ADCY2: variants seen among roughly 807,000 people sequenced by gnomAD.
ADCY2 encodes the protein adenylate cyclase type 2.
Under a neutral mutation model 125.2 loss-of-function variants are expected in ADCY2, and 31 were observed. That is an observed-to-expected ratio of 0.25 (90% CI 0.19 to 0.33). ADCY2 has a LOEUF of 0.33. Among genes scored for constraint, ADCY2 ranks in the 10% least tolerant of loss-of-function variants. The probability of loss-of-function intolerance (pLI) is 1.00; values close to 1 mark genes in which losing one functional copy is unlikely to be tolerated. For missense variants in ADCY2, 904 were observed against 1,418.2 expected (o/e 0.64, Z 5.82); for synonymous variants, 512 against 548.4 (o/e 0.93, Z 0.93).
At position 7,400,473 on chromosome 5, in the gene ADCY2, A is replaced by G. The variant is rs535034652; in HGVS notation, c.210+3967A>G. On this transcript the variant is annotated intron_variant, in intron 1 of 24. Transcript: ENST00000338316. ...TTCTTTTGTGTGTACATAGAGAAAG[A>G]ATCTTATTCTTCCAAAACAAATTAA... Among the ~76,000 whole-genome samples, 7 of 152,328 alleles carry G rather than the reference A, an allele frequency of 4.6e-5. No homozygotes were observed. The East Asian group carries it at 1.4e-3, about 29-fold the overall frequency.
At chr5:7,534,446 TTTA>T (rs1450367824) in intron 3 of ADCY2, among the ~76,000 whole-genome samples, 1 of 152,246 alleles carries the variant, frequency 6.6e-6, no homozygotes, top group East Asian at 1.9e-4. Context: ...AAATTTATTT[TTTA>T]TGCCATGTCT....
At chr5:7,822,046 T>C (rs560128002) in intron 24 of ADCY2, among the ~76,000 whole-genome samples, 22 of 152,030 alleles carry the variant, frequency 1.4e-4, no homozygotes, top group African/African-American at 5.3e-4. Flanking sequence ...GGTGCAAGAG[T>C]GGAAACAGGA....
intron 4 of ADCY2, among the ~76,000 whole-genome samples, chr5:7,688,293 A>T (rs1740592527): frequency 6.7e-6 from 1 of 150,294 alleles, no homozygotes. Context: ...TTTGAGACAG[A>T]GTCTCACTCT....
chr5:7,790,129 C>T (rs1744208063), intron 20 of ADCY2, among the ~76,000 whole-genome samples: 1 of 152,160 alleles, frequency 6.6e-6, no homozygotes, highest in Non-Finnish European at 1.5e-5. Flanking sequence ...AAAGAAGCCA[C>T]TGCTCTCTCC....
intron 3 of ADCY2, among the ~76,000 whole-genome samples, chr5:7,561,982 A>G (rs1267809275): frequency 6.6e-6 from 1 of 152,182 alleles, no homozygotes; most frequent in Non-Finnish European, 1.5e-5. Context: ...TGTTTTCTGT[A>G]TACATCCATA....
At chr5:7,734,000 T>A (rs1401794632) in intron 14 of ADCY2, among the ~76,000 whole-genome samples, 2 of 152,350 alleles carry the variant, frequency 1.3e-5, no homozygotes, top group African/African-American at 2.4e-5. Flanking sequence ...TTTCTTCTTT[T>A]CTTTTTCACT....
intron 3 of ADCY2, among the ~76,000 whole-genome samples, chr5:7,557,291 G>A (rs768912071): frequency 4.8e-5 from 7 of 146,948 alleles, no homozygotes; most frequent in South Asian, 4.3e-4. Flanking sequence ...TGAATAACGA[G>A]GAGGTATAAT....
chr5:7,481,810 A>G (rs902873291), intron 2 of ADCY2, among the ~76,000 whole-genome samples: 4 of 151,350 alleles, frequency 2.6e-5, no homozygotes, highest in Non-Finnish European at 4.4e-5. Context: ...AAGCTTTTTA[A>G]CTTGATGTAA....
chr5:7,702,398 GCC>G (rs1374700428), intron 7 of ADCY2, among the ~76,000 whole-genome samples: 1 of 151,610 alleles, frequency 6.6e-6, no homozygotes, highest in Non-Finnish European at 1.5e-5. Flanking sequence ...CCCACGACAG[GCC>G]CCGGTATGTG....
chr5:7,766,465 C>A (rs148436433), intron 16 of ADCY2, among the ~76,000 whole-genome samples: 1 of 152,250 alleles, frequency 6.6e-6, no homozygotes, highest in African/African-American at 2.4e-5. Flanking sequence ...TTGATAAAGG[C>A]GCCTCCAATT....
At chr5:7,739,409 T>G (rs996953586) in intron 14 of ADCY2, among the ~76,000 whole-genome samples, 1 of 151,902 alleles carries the variant, frequency 6.6e-6, no homozygotes, top group Non-Finnish European at 1.5e-5. Context: ...GGATTGCAAT[T>G]AAAGCAGCAA....
intron 3 of ADCY2, among the ~76,000 whole-genome samples, chr5:7,599,433 G>C (rs1187807974): frequency 6.6e-6 from 1 of 152,208 alleles, no homozygotes; most frequent in Non-Finnish European, 1.5e-5. Context: ...TGATTGGGTA[G>C]TGGGAGGAGA....
chr5:7,589,520 GAA>G lies in ADCY2; in HGVS notation c.571-36645_571-36644del, dbSNP rs781438703. Among the ~76,000 whole-genome samples the G allele has an allele frequency of 1.9e-3, 190 of 101,248 alleles. 2 individuals carry two copies. Among genetic ancestry groups the G allele is most frequent in the Admixed American group, 3.0e-3 (32 of 10,578 alleles). The allele number at this position is 101,248 out of a possible 152,430, so 66.4% of individuals were successfully genotyped here. A position where few individuals can be genotyped will look rare whatever the true frequency, so the allele number is the denominator to read the frequency against. Reference sequence around the variant, plus strand: ...AAAGAAAGAAAGAAAGAAAAGAAAAGAAAGAGAAAGAAAGAAAGGAGGGAGGG... The same window carrying G: ...AAAGAAAGAAAGAAAGAAAAGAAAAGAGAGAAAGAAAGAAAGGAGGGAGGG... On this transcript the variant is annotated intron_variant, in intron 3 of 24. Coordinates refer to ENST00000338316, the MANE Select transcript of ADCY2 (RefSeq NM_020546.3).
intron 22 of ADCY2, among the ~76,000 whole-genome samples, chr5:7,815,806 T>G (rs983259065): frequency 6.6e-6 from 1 of 152,278 alleles, no homozygotes; most frequent in Non-Finnish European, 1.5e-5. Context: ...ATTGTTACCC[T>G]CCATATTAGT....
At chr5:7,533,987 T>A (rs1734737321) in intron 3 of ADCY2, among the ~76,000 whole-genome samples, 1 of 152,192 alleles carries the variant, frequency 6.6e-6, no homozygotes, top group Non-Finnish European at 1.5e-5. Context: ...ATCTTCATGC[T>A]GCTGAGATAG....
chr5:7,537,437 A>G (rs1447954062), intron 3 of ADCY2, among the ~76,000 whole-genome samples: 2 of 152,106 alleles, frequency 1.3e-5, no homozygotes, highest in East Asian at 1.9e-4. Context: ...TGGCACCACC[A>G]TCCTCTGTAC....
At chr5:7,609,189 G>A (rs1038834254) in intron 3 of ADCY2, among the ~76,000 whole-genome samples, 15 of 152,178 alleles carry the variant, frequency 9.9e-5, no homozygotes, top group African/African-American at 3.1e-4. Context: ...TGGATTTACT[G>A]AAGGGATGGC....
intron 4 of ADCY2, among the ~76,000 whole-genome samples, chr5:7,666,839 T>TTGG (rs2126699866): frequency 6.6e-6 from 1 of 152,272 alleles, no homozygotes; most frequent in South Asian, 2.1e-4. Context: ...TCCCTAGCAG[T>TTGG]TGGTCTTCCC....
chr5:7,637,489 CCATTACATT>C lies in ADCY2; in HGVS notation c.720+11181_720+11189del, dbSNP rs1738553700. On this transcript the variant is annotated intron_variant, in intron 4 of 24. Coordinates refer to ENST00000338316, the MANE Select transcript of ADCY2 (RefSeq NM_020546.3). ...AAGAAGAAAGGCAACTGAGTTTGCTCCATTACATTCATTACAGTTACTAAATAATCACAG... is the reference window on the plus strand; with the variant it reads ...AAGAAGAAAGGCAACTGAGTTTGCTCCATTACAGTTACTAAATAATCACAG... Among the ~76,000 whole-genome samples, 3 of 151,048 alleles carry C rather than the reference CCATTACATT, an allele frequency of 2.0e-5. No individual in the cohort carries two copies. The East Asian group carries it at 5.8e-4, about 29-fold the overall frequency.
Sources: gnomAD v4.1 joint callset for allele counts (sites outside exome capture counted in the v4.1 genomes callset) on GRCh38, gnomAD v4.1.1 for gene constraint, MANE v1.5 for transcripts, NCBI Gene and HGNC (gene_info 2026-07-23, HGNC 2026-07-21) for gene names.